ZNF248: variants seen among roughly 807,000 people sequenced by gnomAD.
ZNF248 encodes zinc finger protein 248.
Under a neutral mutation model 44.3 loss-of-function variants are expected in ZNF248, and 20 were observed. The observed-to-expected ratio is 0.45, with a 90% CI of 0.32 to 0.66. The LOEUF is 0.66. ZNF248 is among the 30% of genes least tolerant of loss of function. ZNF248 has a pLI of 0.04. For synonymous variants in ZNF248, 224 were observed against 229.0 expected (o/e 0.98, Z 0.20); for missense variants, 654 against 677.0 (o/e 0.97, Z 0.38).
intron 6 of ZNF248, among the ~76,000 whole-genome samples, chr10:37,805,678 G>A (rs1039108047): frequency 6.6e-6 from 1 of 152,070 alleles, no homozygotes; most frequent in African/African-American, 2.4e-5. Flanking sequence ...GTATATAAGG[G>A]ATCACTGGGT....
At chr10:37,796,579 T>C (rs902267559) in intron 6 of ZNF248, among the ~76,000 whole-genome samples, 1 of 152,118 alleles carries the variant, frequency 6.6e-6, no homozygotes, top group Non-Finnish European at 1.5e-5. Flanking sequence ...GTGTCAAGAC[T>C]AGGTTCACAG....
chr10:37,840,731 G>A (rs1177286975), intron 3 of ZNF248, among the ~76,000 whole-genome samples: 1 of 152,054 alleles, frequency 6.6e-6, no homozygotes, highest in Admixed American at 6.6e-5. Context: ...GCAGTGAGCC[G>A]AGATTATGCC....
intron 6 of ZNF248, among the ~76,000 whole-genome samples, chr10:37,777,005 T>G (rs1425758919): frequency 6.6e-6 from 1 of 152,182 alleles, no homozygotes; most frequent in Admixed American, 6.5e-5. Flanking sequence ...TGAGGTTAAC[T>G]ACTAAGCTCT....
intron 6 of ZNF248, among the ~76,000 whole-genome samples, chr10:37,809,325 T>C (rs955941939): frequency 6.6e-6 from 1 of 152,184 alleles, no homozygotes; most frequent in Non-Finnish European, 1.5e-5. Flanking sequence ...TCACTGAGAC[T>C]GGAGTGCAGT....
At chr10:37,780,280 A>G (rs1165006354) in intron 6 of ZNF248, among the ~76,000 whole-genome samples, 1 of 152,208 alleles carries the variant, frequency 6.6e-6, no homozygotes, top group East Asian at 1.9e-4. Context: ...ACAAGGCTAC[A>G]GTAACCAAAA....
rs572211487 is a variant in ZNF248 at position 37,844,819 on chromosome 10, G to A, written c.16-6708C>T. On this transcript the variant is annotated intron_variant, in intron 3 of 5. Coordinates refer to ENST00000395867, the MANE Select transcript of ZNF248 (RefSeq NM_021045.3). ...AGTGAAAGAAATGAACAAACAATTC[G>A]AAAGACAGAAAAAAAACAGCAACTG... Among the ~76,000 whole-genome samples the A allele has an allele frequency of 3.3e-5, 5 of 152,016 alleles. No individual in the cohort carries two copies. The South Asian group carries it at 6.2e-4, about 19-fold the overall frequency.
At chr10:37,792,838 C>T (rs2048717861) in intron 6 of ZNF248, among the ~76,000 whole-genome samples, 1 of 152,158 alleles carries the variant, frequency 6.6e-6, no homozygotes, top group Non-Finnish European at 1.5e-5. Context: ...CACAATGTGG[C>T]ATCCTAGACT....
chr10:37,767,581 T>C, the ZNF248 span, among the ~76,000 whole-genome samples: 10 of 151,944 alleles, frequency 6.6e-5, no homozygotes, highest in African/African-American at 2.2e-4. Flanking sequence ...TGCTGAGAGA[T>C]TTTGTCACCA....
chr10:37,827,954 T>C (rs74137137), downstream of ZNF248, among the ~76,000 whole-genome samples: 1,138 of 152,298 alleles, frequency 7.5e-3, 16 homozygotes, highest in African/African-American at 0.026. Context: ...GAAAACTATT[T>C]CCAGGGACTG....
intron 6 of ZNF248, among the ~76,000 whole-genome samples, chr10:37,779,023 T>C (rs1456380456): frequency 2.0e-5 from 3 of 152,144 alleles, no homozygotes; most frequent in African/African-American, 7.2e-5. Flanking sequence ...CAATAATCAA[T>C]AGCTTACCAA....
At chr10:37,802,023 G>C (rs531705606) in intron 6 of ZNF248, among the ~76,000 whole-genome samples, 1 of 152,284 alleles carries the variant, frequency 6.6e-6, no homozygotes, top group African/African-American at 2.4e-5. Flanking sequence ...GCTCAGCTTC[G>C]ATAATCTGGG....
At chr10:37,828,306 C>G (rs2054716377), downstream of ZNF248, among the ~76,000 whole-genome samples, 2 of 152,192 alleles carry the variant, frequency 1.3e-5, no homozygotes, top group Admixed American at 1.3e-4. Flanking sequence ...AAAATCAAAC[C>G]TTGTATCTGA....
At chr10:37,778,910 C>A (rs2046940714) in intron 6 of ZNF248, among the ~76,000 whole-genome samples, 2 of 152,130 alleles carry the variant, frequency 1.3e-5, no homozygotes, top group African/African-American at 4.8e-5. Flanking sequence ...ACTAGAAAAT[C>A]TAGAAGAAAT....
chr10:37,811,220 G>A (rs2051438004), intron 6 of ZNF248, among the ~76,000 whole-genome samples: 2 of 152,186 alleles, frequency 1.3e-5, no homozygotes. Context: ...ATTGAATCCA[G>A]TGTAAGAACC....
chr10:37,798,108 G>C (rs769191758), intron 6 of ZNF248, among the ~76,000 whole-genome samples: 14 of 152,056 alleles, frequency 9.2e-5, no homozygotes, highest in Admixed American at 5.9e-4. Context: ...TGGTATATCT[G>C]TACAATGTAA....
intron 6 of ZNF248, among the ~76,000 whole-genome samples, chr10:37,822,089 A>T (rs2053565768): frequency 6.6e-6 from 1 of 152,232 alleles, no homozygotes; most frequent in South Asian, 2.1e-4. Context: ...ACATTGCTGA[A>T]TTTAGTGTCC....
intron 6 of ZNF248, among the ~76,000 whole-genome samples, chr10:37,784,322 G>A (rs949158985): frequency 1.2e-4 from 18 of 152,246 alleles, no homozygotes; most frequent in Non-Finnish European, 2.2e-4. Context: ...TATGTCCTGC[G>A]GTCTTTTACT....
intron 3 of ZNF248, among the ~76,000 whole-genome samples, chr10:37,848,008 C>T (rs576312668): frequency 2.0e-5 from 3 of 152,058 alleles, no homozygotes; most frequent in African/African-American, 4.8e-5. Flanking sequence ...CAGTGGCTCA[C>T]GCCTGTAATC....
intron 6 of ZNF248, among the ~76,000 whole-genome samples, chr10:37,792,485 G>C (rs2048673994): frequency 6.6e-6 from 1 of 152,178 alleles, no homozygotes. Flanking sequence ...TTCATGCCTA[G>C]AGTATGAGCT....
Sources: gnomAD v4.1 joint callset for allele counts (sites outside exome capture counted in the v4.1 genomes callset) on GRCh38, gnomAD v4.1.1 for gene constraint, MANE v1.5 for transcripts, NCBI Gene and HGNC (gene_info 2026-07-23, HGNC 2026-07-21) for gene names.